The following SH3GL3 variants were observed in gnomAD, a reference collection of about 807,000 sequenced individuals.
The protein encoded by SH3GL3 is endophilin-A3.
Under a neutral mutation model 47.7 loss-of-function variants are expected in SH3GL3, and 33 were observed. The ratio of observed to expected loss-of-function variants is 0.69; its 90% CI spans 0.52 to 0.92. The LOEUF is 0.92. SH3GL3 is among the 40% of genes least tolerant of loss of function. The probability of loss-of-function intolerance (pLI) is 0.00; values close to 1 mark genes in which losing one functional copy is unlikely to be tolerated. For missense variants in SH3GL3, 363 were observed against 417.8 expected (o/e 0.87, Z 1.14); for synonymous variants, 155 against 148.8 (o/e 1.04, Z -0.30).
chr15:83,514,509 A>G (rs370085199), intron 1 of SH3GL3, among the ~76,000 whole-genome samples: 1 of 152,256 alleles, frequency 6.6e-6, no homozygotes, highest in South Asian at 2.1e-4. Flanking sequence ...CTATTGGAGC[A>G]TTCTTTGTAG....
At chr15:83,516,734 G>T (rs143274580) in intron 1 of SH3GL3, among the ~76,000 whole-genome samples, 251 of 152,126 alleles carry the variant, frequency 1.6e-3, no homozygotes, top group African/African-American at 5.7e-3. Flanking sequence ...CTCCCACCAG[G>T]CCCCATTTGC....
chr15:83,541,203 G>T (rs2044135005), intron 1 of SH3GL3, among the ~76,000 whole-genome samples: 1 of 151,304 alleles, frequency 6.6e-6, no homozygotes, highest in Non-Finnish European at 1.5e-5. Context: ...CCAAATCTTG[G>T]CTATTGTGAA....
chr15:83,500,775 TG>T (rs2042262083), intron 1 of SH3GL3, among the ~76,000 whole-genome samples: 1 of 152,222 alleles, frequency 6.6e-6, no homozygotes, highest in Non-Finnish European at 1.5e-5. Context: ...GGTTGCCTAG[TG>T]GCCTGGAGTG....
the SH3GL3 span, among the ~76,000 whole-genome samples, chr15:83,624,918 A>G: frequency 6.6e-6 from 1 of 152,148 alleles, no homozygotes; most frequent in African/African-American, 2.4e-5. Flanking sequence ...GCCGCTTTTC[A>G]TCTCCCACTC....
chr15:83,627,208 T>C, the SH3GL3 span, among the ~76,000 whole-genome samples: 4 of 151,976 alleles, frequency 2.6e-5, no homozygotes, highest in Admixed American at 2.0e-4. Flanking sequence ...CCATCCTGGC[T>C]AACACGGTGA....
chr15:83,623,556 G>A (rs988389296), downstream of SH3GL3, among the ~76,000 whole-genome samples: 4 of 152,200 alleles, frequency 2.6e-5, no homozygotes, highest in Non-Finnish European at 5.9e-5. Context: ...CACAGGCTGG[G>A]CCTGCTACCA....
At chr15:83,587,828 G>T (rs2151805568) in intron 7 of SH3GL3, among the ~76,000 whole-genome samples, 1 of 152,286 alleles carries the variant, frequency 6.6e-6, no homozygotes, top group South Asian at 2.1e-4. Context: ...TTTGATAACA[G>T]AAAATTGTTT....
intron 1 of SH3GL3, among the ~76,000 whole-genome samples, chr15:83,488,466 CT>C (rs1425084154): frequency 1.3e-5 from 2 of 152,178 alleles, no homozygotes; most frequent in Non-Finnish European, 2.9e-5. Flanking sequence ...TTCCTTGAGG[CT>C]TTTGTGGAGG....
chr15:83,537,480 A>G (rs1405622796), intron 1 of SH3GL3, among the ~76,000 whole-genome samples: 3 of 152,192 alleles, frequency 2.0e-5, no homozygotes, highest in Non-Finnish European at 2.9e-5. Flanking sequence ...AGGAATTGGA[A>G]GCACAGAGAA....
chr15:83,527,172 C>T (rs1186596782), intron 1 of SH3GL3, among the ~76,000 whole-genome samples: 5 of 152,094 alleles, frequency 3.3e-5, no homozygotes, highest in Non-Finnish European at 4.4e-5. Flanking sequence ...GTTTGACTTC[C>T]TCTTTTCCAA....
At chr15:83,482,562 C>T (rs1161431946) in intron 1 of SH3GL3, among the ~76,000 whole-genome samples, 1 of 151,456 alleles carries the variant, frequency 6.6e-6, no homozygotes, top group Non-Finnish European at 1.5e-5. Flanking sequence ...GGCGTGATCT[C>T]GGCTCACTGC....
At chr15:83,463,029 T>G (rs929267154) in intron 1 of SH3GL3, among the ~76,000 whole-genome samples, 2 of 152,134 alleles carry the variant, frequency 1.3e-5, no homozygotes, top group Non-Finnish European at 2.9e-5. Flanking sequence ...GTTGCAGATA[T>G]GAGGATAAAG....
chr15:83,621,481 T>G (rs2060915447), downstream of SH3GL3, among the ~76,000 whole-genome samples: 3 of 152,142 alleles, frequency 2.0e-5, 1 homozygote, highest in Admixed American at 2.0e-4. Flanking sequence ...CATTTATCAG[T>G]CAGGTTCACC....
intron 1 of SH3GL3, among the ~76,000 whole-genome samples, chr15:83,553,707 C>G (rs1351308999): frequency 6.6e-6 from 1 of 152,182 alleles, no homozygotes; most frequent in Non-Finnish European, 1.5e-5. Context: ...CTCACCTCCT[C>G]CTGAACACAC....
intron 1 of SH3GL3, among the ~76,000 whole-genome samples, chr15:83,481,459 A>G (rs1015238621): frequency 6.6e-6 from 1 of 152,142 alleles, no homozygotes; most frequent in Non-Finnish European, 1.5e-5. Flanking sequence ...GTGGAGCTGC[A>G]TTTAAATTGC....
chr15:83,566,157 A>T (rs1052096171), intron 3 of SH3GL3, among the ~76,000 whole-genome samples: 1 of 152,114 alleles, frequency 6.6e-6, no homozygotes, highest in African/African-American at 2.4e-5. Flanking sequence ...CAGATACTTC[A>T]CCCTCAACCA....
intron 1 of SH3GL3, among the ~76,000 whole-genome samples, chr15:83,540,076 T>G (rs1334796588): frequency 6.6e-6 from 1 of 152,178 alleles, no homozygotes; most frequent in African/African-American, 2.4e-5. Context: ...CATCTTTGAC[T>G]CAGGCTGTTT....
At chr15:83,556,992 G>A (rs2044995264) in intron 1 of SH3GL3, among the ~76,000 whole-genome samples, 1 of 152,232 alleles carries the variant, frequency 6.6e-6, no homozygotes, top group Non-Finnish European at 1.5e-5. Context: ...ACCTGACAGA[G>A]TGAGCAGAAG....
At chr15:83,450,358 G>C (rs1368150527) in intron 1 of SH3GL3, among the ~76,000 whole-genome samples, 2 of 152,168 alleles carry the variant, frequency 1.3e-5, no homozygotes, top group African/African-American at 4.8e-5. Context: ...TCTTAAGTAA[G>C]TTAAGCATTT....
Sources: allele counts gnomAD v4.1 joint callset (sites outside exome capture counted in the v4.1 genomes callset), GRCh38; gene constraint gnomAD v4.1.1; transcripts MANE v1.5; gene names NCBI Gene and HGNC (gene_info 2026-07-23, HGNC 2026-07-21).